The following DCLRE1C variants were observed in gnomAD, a reference collection of about 807,000 sequenced individuals.
The protein encoded by DCLRE1C is DNA cross-link repair 1C, also known as protein artemis.
A neutral mutation model predicts 61.4 loss-of-function variants in DCLRE1C; 47 were observed. The ratio of observed to expected loss-of-function variants is 0.77; its 90% CI spans 0.61 to 0.98. DCLRE1C has a LOEUF of 0.98. Ranked by LOEUF, DCLRE1C falls within the 50% of genes least tolerant of loss-of-function variation. The probability of loss-of-function intolerance (pLI) is 0.00; values close to 1 mark genes in which losing one functional copy is unlikely to be tolerated. For missense variants in DCLRE1C, 858 were observed against 816.0 expected (o/e 1.05, Z -0.63); for synonymous variants, 337 against 287.6 (o/e 1.17, Z -1.74).
In DCLRE1C at chr10:14,909,108, T is replaced by C. The variant is rs778156435; in HGVS notation, c.1379A>G (p.Glu460Gly). 6 of 1,614,242 alleles carry C rather than the reference T, an allele frequency of 3.7e-6. No individual in the cohort carries two copies. In the Admixed American group the frequency reaches 8.3e-5, roughly 22 times the overall value. The change falls in exon 14 of 14, where the codon GAA becomes GGA. Residue 460 changes from glutamate (E) to glycine (G), a missense_variant. Physicochemically the swap from Glu to Gly is moderately conservative, Grantham distance 98. This residue lies in a region of DCLRE1C where 843 missense variants were observed against 783.5 expected (regional missense o/e 1.08). Coordinates refer to ENST00000378278, the MANE Select transcript of DCLRE1C (RefSeq NM_001033855.3). ...VDCEESNSES[E>G]EEVGIPASLQ... The stretch of plus-strand genomic sequence containing the variant: ...TGAAGCTGGGATTCCTACTTCTTCT[T>C]CACTTTCACTGTTGGATTCTTCACA...
At chr10:14,913,818 G>C (rs1004784712) in intron 13 of DCLRE1C, among the ~76,000 whole-genome samples, 45 of 152,226 alleles carry the variant, frequency 3.0e-4, no homozygotes, top group African/African-American at 1.1e-3. Context: ...AATATGACTT[G>C]AGCATCTGCA....
intron 13 of DCLRE1C, among the ~76,000 whole-genome samples, chr10:14,911,990 A>C (rs1430148057): frequency 2.6e-5 from 4 of 152,234 alleles, no homozygotes; most frequent in African/African-American, 9.6e-5. Context: ...AGAATGTAAA[A>C]TGTATTCAGT....
At chr10:14,935,417 A>C in intron 6 of DCLRE1C, 46 bp downstream of exon 6, 5 of 1,588,882 alleles carry the variant, frequency 3.1e-6, no homozygotes, top group Middle Eastern at 1.7e-4. Flanking sequence ...ACTCCATTTC[A>C]CAAAAATAAA....
chr10:14,944,372 T>C (rs552978632), intron 3 of DCLRE1C, among the ~76,000 whole-genome samples: 38 of 151,920 alleles, frequency 2.5e-4, no homozygotes, highest in Non-Finnish European at 3.1e-4. Flanking sequence ...GGTGGTGGGA[T>C]TCTGTAGTCC....
downstream of DCLRE1C, chr10:14,902,552 T>C: frequency 7.6e-7 from 1 of 1,307,272 alleles, no homozygotes; most frequent in Non-Finnish European, 1.0e-6. Flanking sequence ...TAATATTTTT[T>C]TCCTAATGTT....
intron 13 of DCLRE1C, among the ~76,000 whole-genome samples, chr10:14,915,564 T>C (rs1836040468): frequency 6.6e-6 from 1 of 151,658 alleles, no homozygotes; most frequent in Non-Finnish European, 1.5e-5. Flanking sequence ...CAGATTCAAG[T>C]TACCAAAGTT....
chr10:14,944,909 A>G (rs1388465366), intron 3 of DCLRE1C, among the ~76,000 whole-genome samples, 196 bp downstream of exon 3: 1 of 151,916 alleles, frequency 6.6e-6, no homozygotes, highest in Non-Finnish European at 1.5e-5. Context: ...TCCTGACCTC[A>G]AGTGATCCAT....
chr10:14,932,357 G>A (rs1345006028), intron 9 of DCLRE1C, among the ~76,000 whole-genome samples: 1 of 152,176 alleles, frequency 6.6e-6, no homozygotes, highest in Non-Finnish European at 1.5e-5. Context: ...TAAAGATCTG[G>A]TTGGGGGTGG....
intron 9 of DCLRE1C, among the ~76,000 whole-genome samples, chr10:14,931,158 CTAAT>C (rs1006565156): frequency 2.0e-5 from 3 of 152,218 alleles, no homozygotes; most frequent in African/African-American, 4.8e-5. Context: ...TTAAAGATCA[CTAAT>C]TAGCCTTAAT....
intron 3 of DCLRE1C, chr10:14,942,228 C>A (rs557757328): frequency 2.0e-5 from 3 of 152,220 alleles, no homozygotes; most frequent in African/African-American, 7.2e-5. Flanking sequence ...AGAGCCAAAG[C>A]GGGAGACCAG....
chr10:14,953,820 C>A (rs894342042), intron 1 of DCLRE1C, 82 bp downstream of exon 1: 1 of 1,587,228 alleles, frequency 6.3e-7, no homozygotes, highest in Non-Finnish European at 8.5e-7. Flanking sequence ...GGCTGCAGCT[C>A]CTTGCTCCAG....
rs1364076629 is a variant in DCLRE1C at position 14,904,984 on chromosome 10, C to G, written c.*3424G>C. Among the ~76,000 whole-genome samples, 1 of 152,162 alleles carries G rather than the reference C, an allele frequency of 6.6e-6. No individual in the cohort carries two copies. The highest frequency in any genetic ancestry group is 6.5e-5 in the Admixed American group (1 of 15,274). Reference sequence around the variant, plus strand: ...TAAAATGTAGACAATAGTTGTTTCTCTTTTAGTTCATCAGTTTCTCTTAGC... The same window carrying G: ...TAAAATGTAGACAATAGTTGTTTCTGTTTTAGTTCATCAGTTTCTCTTAGC... On this transcript the variant is annotated 3_prime_UTR_variant, in exon 14 of 14. Transcript: ENST00000378278.
rs750407775 is a variant in DCLRE1C at position 14,934,739 on chromosome 10, C to T, written c.501G>A (p.Thr167=). The change falls in exon 7 of 14, where the codon ACG becomes ACA. Residue 167 remains threonine (T), a synonymous_variant. Coordinates refer to ENST00000378278, the MANE Select transcript of DCLRE1C (RefSeq NM_001033855.3). ...KDIQSVYLDT[T]FCDPRFYQIP... ...TTTGGTAAAATCTTGGATCACAGAACGTAGTATCCAAATATACACTTTGGA... is the reference window on the plus strand; with the variant it reads ...TTTGGTAAAATCTTGGATCACAGAATGTAGTATCCAAATATACACTTTGGA... 1.2e-5 allele frequency: 19 copies of T among 1,613,676 alleles called. No individual in the cohort carries two copies. Among genetic ancestry groups the T allele is most frequent in the Non-Finnish European group, 1.4e-5 (17 of 1,179,796 alleles).
chr10:14,936,210 T>C (rs1839883229), intron 5 of DCLRE1C, among the ~76,000 whole-genome samples: 1 of 152,148 alleles, frequency 6.6e-6, no homozygotes, highest in African/African-American at 2.4e-5. Flanking sequence ...ACTTCCATTT[T>C]ATAAGAAACG....
At chr10:14,954,114 T>C, upstream of DCLRE1C, 10 of 1,577,828 alleles carry the variant, frequency 6.3e-6, no homozygotes, top group African/African-American at 1.3e-5. Context: ...GCCTCGCCAT[T>C]GGGCGGCCGA....
intron 9 of DCLRE1C, among the ~76,000 whole-genome samples, chr10:14,928,892 CAT>C (rs1450367455): frequency 6.6e-6 from 1 of 151,416 alleles, no homozygotes; most frequent in African/African-American, 2.4e-5. Context: ...AAGCAAGTCT[CAT>C]GTGTCATCCT....
At position 14,929,159 on chromosome 10, in the gene DCLRE1C, C is replaced by T. The variant is rs1426365637; in HGVS notation, c.781-1007G>A. 6.6e-5 allele frequency among the ~76,000 whole-genome samples: 10 copies of T among 152,264 alleles called. No homozygotes were observed. The East Asian group carries it at 1.5e-3, about 24-fold the overall frequency. ...GTGGCTTATGCCTATAATCCCAGCA[C>T]TCTGGGAGGCTGAGGCAGGTGGATC... On this transcript the variant is annotated intron_variant, in intron 9 of 13. Transcript: ENST00000378278.
At chr10:14,939,925 C>A in intron 3 of DCLRE1C, 56 bp from the exon 4 acceptor site, 2 of 1,348,852 alleles carry the variant, frequency 1.5e-6, no homozygotes, top group Admixed American at 1.8e-5. Flanking sequence ...GCTTTATATG[C>A]CTTTGCTGTC....
At chr10:14,915,802 A>G (rs977653951) in intron 13 of DCLRE1C, among the ~76,000 whole-genome samples, 3 of 152,190 alleles carry the variant, frequency 2.0e-5, no homozygotes, top group African/African-American at 4.8e-5. Context: ...CAGTATCCTG[A>G]TACCAAAACC....
Sources: allele counts gnomAD v4.1 joint callset (sites outside exome capture counted in the v4.1 genomes callset), GRCh38; gene constraint gnomAD v4.1.1; regional missense constraint gnomAD v4.1.1; transcripts MANE v1.5; gene names NCBI Gene and HGNC (gene_info 2026-07-23, HGNC 2026-07-21).